The following KIAA0319 variants were observed in gnomAD, a reference collection of about 807,000 sequenced individuals.
The protein encoded by KIAA0319 is KIAA0319, also known as dyslexia-associated protein KIAA0319.
KIAA0319 carries 83 observed loss-of-function variants against 108.4 expected under a neutral mutation model. That is an observed-to-expected ratio of 0.77 (90% CI 0.64 to 0.92). The LOEUF is 0.92. Among genes scored for constraint, KIAA0319 ranks in the 40% least tolerant of loss-of-function variants. The pLI is 0.00. For synonymous variants in KIAA0319, 484 were observed against 510.4 expected (o/e 0.95, Z 0.70); for missense variants, 1,195 against 1,322.4 (o/e 0.90, Z 1.49).
In KIAA0319 at chr6:24,544,344, A is replaced by G. The variant is rs940620231; in HGVS notation, c.*2821T>C. ...CCTAAAAATAAGCATTACAGAAAAT[A>G]CAGACACCTTTATTTAGATTAGTGC... On this transcript the variant is annotated 3_prime_UTR_variant, in exon 21 of 21. Coordinates refer to ENST00000378214, the MANE Select transcript of KIAA0319 (RefSeq NM_014809.4). 6.6e-6 allele frequency: 1 copy of G among 152,252 alleles called. No homozygotes were observed. The highest frequency in any genetic ancestry group is 1.5e-5 in the Non-Finnish European group (1 of 68,050). 9.4% of individuals were successfully genotyped at this position (152,252 alleles called of 1,614,324 possible).
At chr6:24,631,590 C>G (rs1334919074) in intron 1 of KIAA0319, among the ~76,000 whole-genome samples, 4 of 152,206 alleles carry the variant, frequency 2.6e-5, no homozygotes, top group African/African-American at 9.7e-5. Context: ...AACACTGTCC[C>G]TACATTAGGA....
chr6:24,601,400 G>T, intron 1 of KIAA0319, 192 bp from the exon 2 acceptor site: 1 of 739,312 alleles, frequency 1.4e-6, no homozygotes, highest in Non-Finnish European at 1.7e-6. Context: ...AAGAGCCAAA[G>T]AATTTCATGC....
At chr6:24,578,467 C>T (rs1320914371) in intron 8 of KIAA0319, among the ~76,000 whole-genome samples, 2 of 152,184 alleles carry the variant, frequency 1.3e-5, no homozygotes, top group Non-Finnish European at 2.9e-5. Context: ...GCTGTTCCCA[C>T]TCAGTTGAAT....
chr6:24,638,220 T>TA (rs1776453072), intron 1 of KIAA0319, among the ~76,000 whole-genome samples: 1 of 152,116 alleles, frequency 6.6e-6, no homozygotes. Context: ...CATAATAAAA[T>TA]AACAAGATAG....
intron 19 of KIAA0319, 41 bp from the exon 20 acceptor site, chr6:24,551,566 AG>A: frequency 7.5e-7 from 1 of 1,334,206 alleles, no homozygotes; most frequent in Non-Finnish European, 1.1e-6. Context: ...ATCTTTAGAA[AG>A]GTAACTGAGA....
intron 1 of KIAA0319, among the ~76,000 whole-genome samples, chr6:24,629,261 AC>A (rs1284689268): frequency 1.3e-5 from 2 of 152,088 alleles, no homozygotes; most frequent in Non-Finnish European, 2.9e-5. Flanking sequence ...CACGCCTGTA[AC>A]CCCAGCACTT....
intron 8 of KIAA0319, among the ~76,000 whole-genome samples, chr6:24,579,647 A>G (rs1766160878): frequency 6.6e-6 from 1 of 151,516 alleles, no homozygotes; most frequent in African/African-American, 2.4e-5. Context: ...GCGCTAAAGA[A>G]CTTTCTAATA....
intron 2 of KIAA0319, among the ~76,000 whole-genome samples, chr6:24,596,990 T>C (rs1582142189): frequency 6.6e-6 from 1 of 151,816 alleles, no homozygotes; most frequent in Non-Finnish European, 1.5e-5. Context: ...CATCCATCCA[T>C]CCATCTTTCT....
intron 10 of KIAA0319, among the ~76,000 whole-genome samples, chr6:24,573,176 T>C (rs796946918): frequency 2.6e-4 from 40 of 152,276 alleles, no homozygotes; most frequent in African/African-American, 1.7e-4. Flanking sequence ...TCATACACTA[T>C]TGAAGGAGTG....
At chr6:24,598,329 C>T in intron 2 of KIAA0319, 2 of 677,556 alleles carry the variant, frequency 3.0e-6, no homozygotes, top group Admixed American at 1.9e-5. Context: ...AGACCATCAA[C>T]AACAAGTTTA....
chr6:24,547,903 C>T (rs548706665), intron 20 of KIAA0319, among the ~76,000 whole-genome samples: 4 of 152,238 alleles, frequency 2.6e-5, no homozygotes, highest in African/African-American at 9.6e-5. Flanking sequence ...CATGGTGGCT[C>T]ACGCCTATAA....
intron 8 of KIAA0319, among the ~76,000 whole-genome samples, chr6:24,579,359 G>A (rs1766009183): frequency 6.7e-6 from 1 of 148,592 alleles, no homozygotes; most frequent in Admixed American, 6.7e-5. Context: ...TTTCCCATCT[G>A]GTGGGGGGCA....
intron 1 of KIAA0319, among the ~76,000 whole-genome samples, chr6:24,612,879 A>G (rs1309009509): frequency 6.6e-6 from 1 of 151,998 alleles, no homozygotes; most frequent in African/African-American, 2.4e-5. Flanking sequence ...GCTCAATGCA[A>G]GCTCCGCCTC....
At chr6:24,621,327 G>A (rs1773900893) in intron 1 of KIAA0319, among the ~76,000 whole-genome samples, 2 of 152,120 alleles carry the variant, frequency 1.3e-5, no homozygotes, top group South Asian at 4.1e-4. Flanking sequence ...TATTATTGAA[G>A]CTTGAGAGAA....
intron 1 of KIAA0319, among the ~76,000 whole-genome samples, chr6:24,618,017 T>C (rs1160291085): frequency 6.6e-6 from 1 of 151,480 alleles, no homozygotes; most frequent in Non-Finnish European, 1.5e-5. Flanking sequence ...ATAATAAAAA[T>C]AAATATAAGA....
At chr6:24,637,926 G>GA (rs1776411929) in intron 1 of KIAA0319, among the ~76,000 whole-genome samples, 1 of 152,064 alleles carries the variant, frequency 6.6e-6, no homozygotes, top group African/African-American at 2.4e-5. Context: ...AGAAACTAAT[G>GA]AAAAAACTGG....
At chr6:24,553,489 C>T (rs1761877679) in intron 19 of KIAA0319, among the ~76,000 whole-genome samples, 1 of 151,840 alleles carries the variant, frequency 6.6e-6, no homozygotes, top group African/African-American at 2.4e-5. Context: ...CTTCTTTCAC[C>T]TGCTTTTTAT....
chr6:24,572,944 C>T (rs746751522), intron 10 of KIAA0319, among the ~76,000 whole-genome samples: 17 of 151,892 alleles, frequency 1.1e-4, no homozygotes, highest in Admixed American at 4.6e-4. Context: ...GGTGGAACCC[C>T]GTCTCTACTA....
At chr6:24,605,683 T>C (rs969707593) in intron 1 of KIAA0319, among the ~76,000 whole-genome samples, 1 of 152,188 alleles carries the variant, frequency 6.6e-6, no homozygotes, top group Non-Finnish European at 1.5e-5. Flanking sequence ...ATGGATCAAT[T>C]GTATACATGT....
Sources: gnomAD v4.1 joint callset for allele counts (sites outside exome capture counted in the v4.1 genomes callset) on GRCh38, gnomAD v4.1.1 for gene constraint, MANE v1.5 for transcripts, NCBI Gene and HGNC (gene_info 2026-07-23, HGNC 2026-07-21) for gene names.